Variants in SWT1 observed in about 807,000 individuals in gnomAD.
SWT1 encodes transcriptional protein SWT1.
SWT1 carries 33 observed loss-of-function variants against 107.3 expected under a neutral mutation model. That is an observed-to-expected ratio of 0.31 (90% confidence interval 0.23 to 0.41). SWT1 has a LOEUF of 0.41. Ranked by LOEUF, SWT1 falls within the 10% of genes least tolerant of loss-of-function variation. The pLI, the probability that SWT1 is intolerant of heterozygous loss-of-function variation, is 1.00. For synonymous variants in SWT1, 345 were observed against 348.3 expected (o/e 0.99, Z 0.11); for missense variants, 898 against 1,028.9 (o/e 0.87, Z 1.74).
At chr1:185,201,273 C>T (rs994435898) in intron 10 of SWT1, among the ~76,000 whole-genome samples, 1 of 152,054 alleles carries the variant, frequency 6.6e-6, no homozygotes, top group Non-Finnish European at 1.5e-5. Flanking sequence ...TTCTGTCTCG[C>T]TGGTGTTCAG....
intron 4 of SWT1, among the ~76,000 whole-genome samples, chr1:185,170,823 A>G (rs761865524): frequency 2.9e-4 from 44 of 152,332 alleles, no homozygotes; most frequent in South Asian, 1.0e-3. Context: ...ATTAGTATAC[A>G]TAATTGTGTA....
intron 10 of SWT1, among the ~76,000 whole-genome samples, chr1:185,196,847 CTTTAGAAAATATTTATATA>C (rs1657433503): frequency 6.6e-6 from 1 of 151,250 alleles, no homozygotes; most frequent in Admixed American, 6.6e-5. Context: ...TATCCTGAGA[CTTTAGAAAATATTTATATA>C]TTTAGAAAAT....
At chr1:185,159,684 G>C (rs1173012113) in intron 1 of SWT1, among the ~76,000 whole-genome samples, 1 of 151,940 alleles carries the variant, frequency 6.6e-6, no homozygotes, top group Non-Finnish European at 1.5e-5. Context: ...ACCTATGCAA[G>C]ATGTATATGT....
Position 185,159,575 on chromosome 1 carries a change from G to T in SWT1, c.-9-1258G>T, listed in dbSNP as rs561169519. Among the ~76,000 whole-genome samples the T allele has an allele frequency of 7.9e-5, 12 of 152,248 alleles. No homozygotes were observed. In the South Asian group the frequency reaches 2.5e-3, roughly 32 times the overall value. ...ATTTATTCACTCAGTAGGCATTTATGAGCACCTAAGTTTTTAATACGGCAC... is the reference window on the plus strand; with the variant it reads ...ATTTATTCACTCAGTAGGCATTTATTAGCACCTAAGTTTTTAATACGGCAC... On this transcript the variant is annotated intron_variant, in intron 1 of 18. Coordinates refer to ENST00000367500, the MANE Select transcript of SWT1 (RefSeq NM_017673.7).
intron 16 of SWT1, among the ~76,000 whole-genome samples, chr1:185,245,660 A>G (rs1661553877): frequency 6.6e-6 from 1 of 152,222 alleles, no homozygotes; most frequent in Non-Finnish European, 1.5e-5. Flanking sequence ...TTATGCCAGC[A>G]TCACCACAAC....
intron 1 of SWT1, 122 bp from the exon 2 acceptor site, chr1:185,160,706 AAAAAT>A (rs766530984): frequency 2.9e-5 from 20 of 688,330 alleles, no homozygotes; most frequent in East Asian, 5.9e-5. Context: ...CATCTCAAAA[AAAAAT>A]AAAATAAAAT....
At chr1:185,203,470 A>T (rs976384797) in intron 11 of SWT1, among the ~76,000 whole-genome samples, 1 of 151,968 alleles carries the variant, frequency 6.6e-6, no homozygotes, top group African/African-American at 2.4e-5. Flanking sequence ...AATACGAAAA[A>T]ATTCGCCGGG....
intron 9 of SWT1, among the ~76,000 whole-genome samples, chr1:185,185,370 T>A (rs555324876): frequency 6.6e-6 from 1 of 152,296 alleles, no homozygotes; most frequent in South Asian, 2.1e-4. Context: ...TAAAGTAGTG[T>A]ATAGATTTTC....
chr1:185,236,435 C>T (rs911024650), intron 16 of SWT1, among the ~76,000 whole-genome samples: 21 of 152,126 alleles, frequency 1.4e-4, no homozygotes, highest in African/African-American at 2.2e-4. Flanking sequence ...ACCATTTGAT[C>T]TTTGACAAAC....
chr1:185,164,035 G>C (rs1654375802), intron 2 of SWT1, among the ~76,000 whole-genome samples: 1 of 152,150 alleles, frequency 6.6e-6, no homozygotes, highest in Non-Finnish European at 1.5e-5. Flanking sequence ...GTTAAAGTTA[G>C]ACTCCTTGAT....
intron 16 of SWT1, among the ~76,000 whole-genome samples, chr1:185,245,092 T>G (rs1661512033): frequency 6.6e-6 from 1 of 152,116 alleles, no homozygotes; most frequent in Non-Finnish European, 1.5e-5. Context: ...TAAGAACGAT[T>G]TTTTATATTT....
chr1:185,166,894 A>G (rs1044615211), intron 3 of SWT1, among the ~76,000 whole-genome samples: 1 of 152,090 alleles, frequency 6.6e-6, no homozygotes, highest in South Asian at 2.1e-4. Context: ...CCTCTCACAT[A>G]TATATGGTTT....
chr1:185,201,134 A>G (rs1314311486), intron 10 of SWT1, among the ~76,000 whole-genome samples: 1 of 152,042 alleles, frequency 6.6e-6, no homozygotes, highest in Non-Finnish European at 1.5e-5. Flanking sequence ...TTGACTTCAG[A>G]CTGCTGTGCT....
At chr1:185,239,186 C>T (rs1051546955) in intron 16 of SWT1, among the ~76,000 whole-genome samples, 50 of 151,952 alleles carry the variant, frequency 3.3e-4, no homozygotes, top group African/African-American at 1.1e-3. Context: ...AGATTTATCC[C>T]CTTGTAGCTG....
chr1:185,221,523 C>T (rs1468306979), intron 14 of SWT1, among the ~76,000 whole-genome samples: 2 of 152,064 alleles, frequency 1.3e-5, no homozygotes, highest in East Asian at 1.9e-4. Context: ...TTGATTGTAC[C>T]TCTATACTTT....
chr1:185,242,580 C>T (rs1199978275), intron 16 of SWT1, among the ~76,000 whole-genome samples: 1 of 152,102 alleles, frequency 6.6e-6, no homozygotes, highest in Non-Finnish European at 1.5e-5. Flanking sequence ...TTAGTGTTCC[C>T]TTGGCCAGTA....
chr1:185,241,661 C>T (rs2102610026), intron 16 of SWT1, among the ~76,000 whole-genome samples: 1 of 152,166 alleles, frequency 6.6e-6, no homozygotes, highest in East Asian at 1.9e-4. Context: ...TGGAGCCTTG[C>T]ACAGGTAATG....
chr1:185,259,589 T>C (rs1186689354), intron 16 of SWT1, among the ~76,000 whole-genome samples: 1 of 152,134 alleles, frequency 6.6e-6, no homozygotes, highest in Non-Finnish European at 1.5e-5. Context: ...ATTTATAAAT[T>C]GAGTGACTCC....
intron 15 of SWT1, among the ~76,000 whole-genome samples, chr1:185,225,852 A>T (rs990023908): frequency 6.6e-6 from 1 of 152,236 alleles, no homozygotes; most frequent in Non-Finnish European, 1.5e-5. Flanking sequence ...AAGAAGATAA[A>T]TACTTTTGTT....
Sources: gnomAD v4.1 joint callset for allele counts (sites outside exome capture counted in the v4.1 genomes callset) on GRCh38, gnomAD v4.1.1 for gene constraint, MANE v1.5 for transcripts, NCBI Gene and HGNC (gene_info 2026-07-23, HGNC 2026-07-21) for gene names.